The following TMEM119 variants were observed in gnomAD, a reference collection of about 807,000 sequenced individuals.
TMEM119 encodes the protein transmembrane protein 119, also known as osteoblast induction factor.
For missense variants in TMEM119, 410 were observed against 381.0 expected, an observed-to-expected ratio of 1.08 and a Z score of -0.63; for synonymous variants, 182 against 176.4, an observed-to-expected ratio of 1.03 and a Z score of -0.25.
chr12:108,593,040 G>A (rs2031445559), intron 1 of TMEM119, among the ~76,000 whole-genome samples: 1 of 152,028 alleles, frequency 6.6e-6, no homozygotes, highest in Admixed American at 6.5e-5. Context: ...TCCCCTCAGG[G>A]TCTGGCCCCC....
Position 108,592,388 on chromosome 12 carries a change from C to T in TMEM119, c.-5G>A, listed in dbSNP as rs1447323708. Reference sequence around the variant, plus strand: ...GGGGGCTGCCGCCGAAACCATGGTGCCCCCAGGACCTGTGAGACAGGAGGG... The same window carrying T: ...GGGGGCTGCCGCCGAAACCATGGTGTCCCCAGGACCTGTGAGACAGGAGGG... On this transcript the variant is annotated 5_prime_UTR_variant, in exon 2 of 2. Coordinates refer to ENST00000392806, the MANE Select transcript of TMEM119 (RefSeq NM_181724.3). This position sits in a 1 kb window ranked among gnomAD's most constrained non-coding sequence, Gnocchi z 4.3. The T allele has an allele frequency of 1.9e-6, 3 of 1,545,138 alleles. No homozygotes were observed. Among genetic ancestry groups the T allele is most frequent in the Non-Finnish European group, 2.6e-6 (3 of 1,152,548 alleles).
rs1051924 is a variant in TMEM119 at position 108,590,201 on chromosome 12, A to C, written c.*1331T>G. ...AGACAGGAAGAGTTCCATTCATTCA[A>C]CCTGATCCCAGCAGCAGTAGCGGGA... On this transcript the variant is annotated 3_prime_UTR_variant, in exon 2 of 2. Coordinates refer to ENST00000392806, the MANE Select transcript of TMEM119 (RefSeq NM_181724.3). The C allele has an allele frequency of 0.18, 27,431 of 151,916 alleles. 3,557 individuals are homozygous for C. The highest frequency in any genetic ancestry group is 0.36 in the African/African-American group (14,883 of 41,382). The allele number at this position is 151,916 out of a possible 1,614,324, so 9.4% of individuals were successfully genotyped here.
rs1179680967 is a variant in TMEM119, at chr12:108,592,634, GT to G, written c.-14-238del. On this transcript the variant is annotated intron_variant, in intron 1 of 1. Transcript: ENST00000392806. The surrounding 1 kb of genome is among the most constrained non-coding windows in gnomAD (Gnocchi z 4.3). ...TCTTATTCATCTCGGCCTCCTCAGG[GT>G]TTGGCCCCATATCTGGTATTCAGTA... Among the ~76,000 whole-genome samples the G allele has an allele frequency of 6.6e-6, 1 of 152,140 alleles. No individual in the cohort carries two copies. Among genetic ancestry groups the G allele is most frequent in the Non-Finnish European group, 1.5e-5 (1 of 68,026 alleles).
intron 1 of TMEM119, among the ~76,000 whole-genome samples, chr12:108,596,401 A>T (rs1328428413): frequency 1.3e-5 from 2 of 150,538 alleles, no homozygotes; most frequent in Admixed American, 6.6e-5. Context: ...ACACATGCAC[A>T]CATACACCTA....
chr12:108,591,380 G>T lies in TMEM119; in HGVS notation c.*152C>A. 1 of 910,614 alleles carries T rather than the reference G, an allele frequency of 1.1e-6. No homozygotes were observed. The highest frequency in any genetic ancestry group is 1.6e-6 in the Non-Finnish European group (1 of 618,680). 56.4% of individuals were successfully genotyped at this position (910,614 alleles called of 1,614,324 possible). A position where few individuals can be genotyped will look rare whatever the true frequency, so the allele number is the denominator to read the frequency against. On this transcript the variant is annotated 3_prime_UTR_variant, in exon 2 of 2. Coordinates refer to ENST00000392806, the MANE Select transcript of TMEM119 (RefSeq NM_181724.3). The surrounding 1 kb of genome is among the most constrained non-coding windows in gnomAD (Gnocchi z 4.2). Reference sequence around the variant, plus strand: ...CGGGGCACCGGGGACCAGCATTTCTGCCTGCTGTAGAATCAGCACATGCTG... The same window carrying T: ...CGGGGCACCGGGGACCAGCATTTCTTCCTGCTGTAGAATCAGCACATGCTG...
rs553572212 is a variant in TMEM119 at position 108,591,373 on chromosome 12, C to A, written c.*159G>T. 1.0e-5 allele frequency: 9 copies of A among 864,542 alleles called. No homozygotes were observed. The South Asian group carries it at 1.7e-4, about 16-fold the overall frequency. 53.6% of individuals were successfully genotyped at this position (864,542 alleles called of 1,614,324 possible). On this transcript the variant is annotated 3_prime_UTR_variant, in exon 2 of 2. Transcript: ENST00000392806. The surrounding 1 kb of genome is among the most constrained non-coding windows in gnomAD (Gnocchi z 4.2). ...ATTCCTCCGGGGCACCGGGGACCAG[C>A]ATTTCTGCCTGCTGTAGAATCAGCA...
intron 1 of TMEM119, among the ~76,000 whole-genome samples, chr12:108,596,221 T>A (rs182045865): frequency 6.6e-6 from 1 of 152,232 alleles, no homozygotes; most frequent in African/African-American, 2.4e-5. Flanking sequence ...TTTCCCACCC[T>A]GAGTCGACAA....
intron 1 of TMEM119, among the ~76,000 whole-genome samples, chr12:108,597,761 A>G (rs1016091557): frequency 6.6e-6 from 1 of 151,966 alleles, no homozygotes; most frequent in African/African-American, 2.4e-5. Context: ...CCCCAGCCGC[A>G]CACACACAAC....
At chr12:108,593,519 C>G (rs1328869803) in intron 1 of TMEM119, among the ~76,000 whole-genome samples, 1 of 152,086 alleles carries the variant, frequency 6.6e-6, no homozygotes, top group Non-Finnish European at 1.5e-5. Context: ...GTCATGGATG[C>G]CAGGGGCATG....
At position 108,591,321 on chromosome 12, in the gene TMEM119, A is replaced by G; in HGVS notation, c.*211T>C. 1 of 560,196 alleles carries G rather than the reference A, an allele frequency of 1.8e-6. No homozygotes were observed. The highest frequency in any genetic ancestry group is 3.1e-6 in the Non-Finnish European group (1 of 326,672). 34.7% of individuals were successfully genotyped at this position (560,196 alleles called of 1,614,324 possible). On this transcript the variant is annotated 3_prime_UTR_variant, in exon 2 of 2. Coordinates refer to ENST00000392806, the MANE Select transcript of TMEM119 (RefSeq NM_181724.3). The surrounding 1 kb of genome is among the most constrained non-coding windows in gnomAD (Gnocchi z 4.2). ...AGGATGTAGCCCTTTGGGGCTGCTG[A>G]GGTGAAGGATGATGGCACTTGGTAA...
intron 1 of TMEM119, chr12:108,594,558 A>AAAAG (rs1202992361): frequency 2.0e-5 from 3 of 151,162 alleles, no homozygotes; most frequent in Non-Finnish European, 4.4e-5. Flanking sequence ...GTCAAAAAAA[A>AAAAG]AAAGAAAGAA....
intron 1 of TMEM119, among the ~76,000 whole-genome samples, chr12:108,595,352 C>T (rs1042331932): frequency 1.7e-4 from 18 of 103,444 alleles, no homozygotes; most frequent in African/African-American, 8.2e-4. Flanking sequence ...GCACAGACTA[C>T]ACAATCATAC....
At chr12:108,596,621 T>C (rs1315601132) in intron 1 of TMEM119, among the ~76,000 whole-genome samples, 2 of 152,166 alleles carry the variant, frequency 1.3e-5, no homozygotes, top group East Asian at 3.9e-4. Context: ...CAGCAGAGCC[T>C]CAAAAAAGAT....
Position 108,592,952 on chromosome 12 carries a change from G to T in TMEM119, c.-14-555C>A, listed in dbSNP as rs770038076. Among the ~76,000 whole-genome samples, 36 of 151,738 alleles carry T rather than the reference G, an allele frequency of 2.4e-4. No homozygotes were observed. The highest frequency in any genetic ancestry group is 3.7e-4 in the Non-Finnish European group (25 of 67,920). ...GTGAGAAACCGATTGAGTGACTGAG[G>T]TTGCTGAGTGACACCTCACCCCCTA... On this transcript the variant is annotated intron_variant, in intron 1 of 1. Coordinates refer to ENST00000392806, the MANE Select transcript of TMEM119 (RefSeq NM_181724.3). This position sits in a 1 kb window ranked among gnomAD's most constrained non-coding sequence, Gnocchi z 4.3.
At position 108,592,108 on chromosome 12, in the gene TMEM119, G is replaced by A. The variant is rs1477109609; in HGVS notation, c.276C>T (p.Arg92=). ...NFLDGIVDFF[R]QYVMLIAVVG... The stretch of plus-strand genomic sequence containing the variant: ...CCACAGCAATCAGCATCACGTACTG[G>A]CGGAAGAAGTCCACTATCCCATCCA... The change falls in exon 2 of 2, where the codon CGC becomes CGT. Residue 92 remains arginine, a synonymous_variant. Transcript: ENST00000392806. The surrounding 1 kb of genome is among the most constrained non-coding windows in gnomAD (Gnocchi z 4.3). 2 of 1,614,190 alleles carry A rather than the reference G, an allele frequency of 1.2e-6. No individual in the cohort carries two copies. Among genetic ancestry groups the A allele is most frequent in the South Asian group, 2.2e-5 (2 of 91,086 alleles).
At position 108,591,341 on chromosome 12, in the gene TMEM119, T is replaced by C. The variant is rs2031391429; in HGVS notation, c.*191A>G. The C allele has an allele frequency of 1.3e-5, 8 of 633,144 alleles. No homozygotes were observed. The South Asian group carries it at 1.8e-4, about 15-fold the overall frequency. The allele number at this position is 633,144 out of a possible 1,614,324, so 39.2% of individuals were successfully genotyped here. The stretch of plus-strand genomic sequence containing the variant: ...TGCTGAGGTGAAGGATGATGGCACT[T>C]GGTAAGATTCCTCCGGGGCACCGGG... On this transcript the variant is annotated 3_prime_UTR_variant, in exon 2 of 2. Transcript: ENST00000392806. The surrounding 1 kb of genome is among the most constrained non-coding windows in gnomAD (Gnocchi z 4.2).
rs1278294634 is a variant in TMEM119, at chr12:108,590,821, C to T, written c.*711G>A. On this transcript the variant is annotated 3_prime_UTR_variant, in exon 2 of 2. Transcript: ENST00000392806. Reference sequence around the variant, plus strand: ...GAAGTGTCCTAATTAACCACACACACTTCTGCTGCTGGAGCTCTGAGCACA... The same window carrying T: ...GAAGTGTCCTAATTAACCACACACATTTCTGCTGCTGGAGCTCTGAGCACA... The T allele has an allele frequency of 6.6e-6, 1 of 152,150 alleles. No homozygotes were observed. Among genetic ancestry groups the T allele is most frequent in the African/African-American group, 2.4e-5 (1 of 41,348 alleles). The allele number at this position is 152,150 out of a possible 1,614,324, so 9.4% of individuals were successfully genotyped here.
rs927669308 is a variant in TMEM119 at position 108,592,832 on chromosome 12, A to G, written c.-14-435T>C. Among the ~76,000 whole-genome samples, 1 of 152,136 alleles carries G rather than the reference A, an allele frequency of 6.6e-6. No individual in the cohort carries two copies. The highest frequency in any genetic ancestry group is 1.5e-5 in the Non-Finnish European group (1 of 68,028). ...TATGATTAGGCCCATTTTGCAGATG[A>G]AAAAACAGAGGCTGAGAGGGACGTG... On this transcript the variant is annotated intron_variant, in intron 1 of 1. Transcript: ENST00000392806. This position sits in a 1 kb window ranked among gnomAD's most constrained non-coding sequence, Gnocchi z 4.3.
chr12:108,594,982 C>A (rs184785037), intron 1 of TMEM119, among the ~76,000 whole-genome samples: 5 of 152,246 alleles, frequency 3.3e-5, no homozygotes, highest in South Asian at 2.1e-4. Context: ...GCTTTCCTCG[C>A]GGGTACTCAT....
Sources: allele counts gnomAD v4.1 joint callset (sites outside exome capture counted in the v4.1 genomes callset), GRCh38; gene constraint gnomAD v4.1.1; non-coding constraint Gnocchi (gnomAD v3.1); transcripts MANE v1.5; gene names NCBI Gene and HGNC (gene_info 2026-07-23, HGNC 2026-07-21).